FGF12: variants seen among roughly 807,000 people sequenced by gnomAD.
FGF12 encodes fibroblast growth factor 12B.
A neutral mutation model predicts 23.6 loss-of-function variants in FGF12; 14 were observed. That is an observed-to-expected ratio of 0.59 (90% CI 0.39 to 0.93). The LOEUF is 0.93. FGF12 is among the 40% of genes least tolerant of loss of function. The probability of loss-of-function intolerance (pLI) is 0.00; values close to 1 mark genes in which losing one functional copy is unlikely to be tolerated. For missense variants in FGF12, 175 were observed against 217.8 expected (o/e 0.80, Z 1.24); for synonymous variants, 62 against 77.3 (o/e 0.80, Z 1.04).
In FGF12 at chr3:192,181,364, G is replaced by GACACAC. The variant is rs200578658; in HGVS notation, c.229-10714_229-10709dup. Among the ~76,000 whole-genome samples the GACACAC allele has an allele frequency of 1.0e-3, 149 of 142,860 alleles. 1 individual carries two copies. Among genetic ancestry groups the GACACAC allele is most frequent in the Admixed American group, 4.0e-3 (58 of 14,610 alleles). 93.7% of individuals were successfully genotyped at this position (142,860 alleles called of 152,430 possible). ...GACAAGACCTACACGCACACACACA[G>GACACAC]ACACACACACACAGACACACACACA... is the stretch of plus-strand genomic sequence containing the variant. On this transcript the variant is annotated intron_variant, in intron 4 of 5. Transcript: ENST00000445105.
chr3:192,158,982 C>T (rs577335923), intron 5 of FGF12, among the ~76,000 whole-genome samples: 150 of 152,066 alleles, frequency 9.9e-4, no homozygotes, highest in African/African-American at 3.5e-3. Context: ...CCTGTGATCC[C>T]AATGTCTGCT....
rs145928579 is a variant in FGF12 at position 192,163,246 on chromosome 3, A to G, written c.427+7212T>C. Among the ~76,000 whole-genome samples, 514 of 152,240 alleles carry G rather than the reference A, an allele frequency of 3.4e-3. 1 individual carries two copies. The highest frequency in any genetic ancestry group is 0.011 in the African/African-American group (440 of 41,556). ...TTGCCAAATTTTGACCCAAAGAATT[A>G]GACACTTCTGTATTCTTGGTTACTT... On this transcript the variant is annotated intron_variant, in intron 5 of 5. Coordinates refer to ENST00000445105, the MANE Select transcript of FGF12 (RefSeq NM_004113.6).
At chr3:192,362,552 C>G (rs1040032614) in intron 2 of FGF12, among the ~76,000 whole-genome samples, 2 of 152,184 alleles carry the variant, frequency 1.3e-5, no homozygotes, top group African/African-American at 4.8e-5. Flanking sequence ...ACCTGGCTGA[C>G]AGGCAGCTTC....
chr3:192,255,893 C>T (rs536743048), intron 4 of FGF12, among the ~76,000 whole-genome samples: 1 of 152,156 alleles, frequency 6.6e-6, no homozygotes, highest in South Asian at 2.1e-4. Flanking sequence ...TGAATGTACC[C>T]ACCTGGCAGG....
intron 2 of FGF12, among the ~76,000 whole-genome samples, chr3:192,691,221 C>A (rs1178911688): frequency 6.6e-6 from 1 of 152,070 alleles, no homozygotes; most frequent in Admixed American, 6.5e-5. Flanking sequence ...TATCCATCAG[C>A]AACAGAAAAC....
At chr3:192,495,564 T>C (rs1429563955) in intron 2 of FGF12, among the ~76,000 whole-genome samples, 1 of 152,192 alleles carries the variant, frequency 6.6e-6, no homozygotes, top group Non-Finnish European at 1.5e-5. Context: ...AAGGAAAGAA[T>C]TAGCACACTC....
chr3:192,417,872 T>G (rs994076240), intron 2 of FGF12, among the ~76,000 whole-genome samples: 4 of 152,068 alleles, frequency 2.6e-5, no homozygotes, highest in Non-Finnish European at 1.5e-5. Flanking sequence ...AGCTAAGAGA[T>G]CTGAGCCTTG....
At chr3:192,337,660 T>C (rs1717485945) in intron 3 of FGF12, among the ~76,000 whole-genome samples, 1 of 152,184 alleles carries the variant, frequency 6.6e-6, no homozygotes, top group African/African-American at 2.4e-5. Context: ...CTGCCTTAGT[T>C]TTCCTATCTG....
chr3:192,205,332 G>A (rs544746772), intron 4 of FGF12, among the ~76,000 whole-genome samples: 8 of 152,128 alleles, frequency 5.3e-5, no homozygotes, highest in African/African-American at 1.9e-4. Context: ...AAGAAATACC[G>A]CCAACTACCA....
At chr3:192,349,486 A>T (rs1718110344) in intron 3 of FGF12, among the ~76,000 whole-genome samples, 1 of 152,028 alleles carries the variant, frequency 6.6e-6, no homozygotes, top group African/African-American at 2.4e-5. Context: ...GTTTAAATTT[A>T]TACTGCTGCC....
At chr3:192,639,024 G>C (rs1715688800) in intron 2 of FGF12, among the ~76,000 whole-genome samples, 1 of 152,134 alleles carries the variant, frequency 6.6e-6, no homozygotes, top group African/African-American at 2.4e-5. Context: ...CCTATGAATT[G>C]GGAAAAAAAT....
intron 3 of FGF12, among the ~76,000 whole-genome samples, chr3:192,343,184 G>A (rs1717777073): frequency 6.6e-6 from 1 of 151,976 alleles, no homozygotes; most frequent in African/African-American, 2.4e-5. Context: ...TTGTCAAATG[G>A]CCAATAAAAA....
At chr3:192,231,290 T>C (rs1343332167) in intron 4 of FGF12, among the ~76,000 whole-genome samples, 6 of 152,166 alleles carry the variant, frequency 3.9e-5, no homozygotes, top group Non-Finnish European at 8.8e-5. Context: ...GCCCCCCTTT[T>C]TTTTTACTAA....
chr3:192,260,133 T>C (rs147917948), intron 4 of FGF12, among the ~76,000 whole-genome samples: 60 of 152,272 alleles, frequency 3.9e-4, no homozygotes, highest in African/African-American at 1.4e-3. Flanking sequence ...AAAATCATCA[T>C]GCCAAAATGT....
chr3:192,447,634 T>C (rs926248417), intron 2 of FGF12, among the ~76,000 whole-genome samples: 34 of 152,222 alleles, frequency 2.2e-4, no homozygotes, highest in African/African-American at 5.8e-4. Context: ...AGCACTCTTT[T>C]CTCATCACGT....
At chr3:192,226,569 C>T (rs1276358122) in intron 4 of FGF12, among the ~76,000 whole-genome samples, 1 of 152,074 alleles carries the variant, frequency 6.6e-6, no homozygotes, top group Non-Finnish European at 1.5e-5. Flanking sequence ...AGTTTTGTGT[C>T]CCCCTCAAAT....
intron 2 of FGF12, among the ~76,000 whole-genome samples, chr3:192,660,120 A>T (rs1716596725): frequency 6.6e-6 from 1 of 152,014 alleles, no homozygotes; most frequent in Non-Finnish European, 1.5e-5. Flanking sequence ...CAAATGTCCA[A>T]CAATGATAGA....
intron 4 of FGF12, among the ~76,000 whole-genome samples, chr3:192,304,288 C>T (rs1198913302): frequency 6.6e-6 from 1 of 152,146 alleles, no homozygotes; most frequent in Non-Finnish European, 1.5e-5. Context: ...TCCAAGACAT[C>T]TACTTCCCCT....
chr3:192,361,360 C>A (rs945625335), intron 2 of FGF12, among the ~76,000 whole-genome samples: 6 of 152,078 alleles, frequency 3.9e-5, no homozygotes, highest in African/African-American at 1.4e-4. Flanking sequence ...TGGCTGCCAG[C>A]AACAATCTAG....
Sources: gnomAD v4.1 joint callset for allele counts (sites outside exome capture counted in the v4.1 genomes callset) on GRCh38, gnomAD v4.1.1 for gene constraint, MANE v1.5 for transcripts, NCBI Gene and HGNC (gene_info 2026-07-23, HGNC 2026-07-21) for gene names.